SHANK2: variants seen among roughly 807,000 people sequenced by gnomAD.
The protein encoded by SHANK2 is SH3 and multiple ankyrin repeat domains 2.
A neutral mutation model predicts 133.7 loss-of-function variants in SHANK2; 43 were observed. The ratio of observed to expected loss-of-function variants is 0.32; its 90% CI spans 0.25 to 0.41. The LOEUF (loss-of-function observed/expected upper bound fraction) is 0.41. Among genes scored for constraint, SHANK2 ranks in the 10% least tolerant of loss-of-function variants. SHANK2 has a pLI of 1.00. For synonymous variants in SHANK2, 1,017 were observed against 952.8 expected, an observed-to-expected ratio of 1.07 and a Z score of -1.24; for missense variants, 1,994 against 2,235.8, an observed-to-expected ratio of 0.89 and a Z score of 2.18.
At chr11:71,136,253 C>G (rs571537634) in intron 3 of SHANK2, among the ~76,000 whole-genome samples, 72 of 152,258 alleles carry the variant, frequency 4.7e-4, no homozygotes, top group African/African-American at 1.7e-3. Flanking sequence ...GCCTCAGGGT[C>G]CACCAAGACT....
chr11:70,480,270 G>C (rs2058717120), intron 25 of SHANK2, among the ~76,000 whole-genome samples: 1 of 152,184 alleles, frequency 6.6e-6, no homozygotes, highest in Non-Finnish European at 1.5e-5. Flanking sequence ...CTGCAAGGTT[G>C]GCTCCTTTTT....
Position 70,547,823 on chromosome 11 carries a change from C to T in SHANK2, c.2062-44892G>A, listed in dbSNP as rs139119637. On this transcript the variant is annotated intron_variant, in intron 17 of 25. Coordinates refer to ENST00000601538, the MANE Select transcript of SHANK2 (RefSeq NM_012309.5). Reference sequence around the variant, plus strand: ...TAAAGGAATCCTTGGTCCCCATAACCATTTAGACACAATCGAGACAGAGAA... The same window carrying T: ...TAAAGGAATCCTTGGTCCCCATAACTATTTAGACACAATCGAGACAGAGAA... Among the ~76,000 whole-genome samples, 397 of 152,356 alleles carry T rather than the reference C, an allele frequency of 2.6e-3. 1 individual carries two copies. Among genetic ancestry groups the T allele is most frequent in the Non-Finnish European group, 4.1e-3 (276 of 68,040 alleles).
chr11:70,824,941 ACAGCCAGCAGAAAG>A (rs1340207324), intron 11 of SHANK2, among the ~76,000 whole-genome samples: 1 of 152,130 alleles, frequency 6.6e-6, no homozygotes, highest in African/African-American at 2.4e-5. Context: ...TCAAACAGAC[ACAGCCAGCAGAAAG>A]CAGCCGCAGA....
At chr11:70,937,974 C>T (rs991204052) in intron 10 of SHANK2, among the ~76,000 whole-genome samples, 15 of 152,042 alleles carry the variant, frequency 9.9e-5, no homozygotes, top group Non-Finnish European at 1.6e-4. Context: ...CATGTGTGAG[C>T]GTGATCTATC....
At position 70,538,954 on chromosome 11, in the gene SHANK2, C is replaced by CCCG. The variant is rs1554974656; in HGVS notation, c.2062-36024_2062-36023insCGG. Among the ~76,000 whole-genome samples, 27 of 152,352 alleles carry CCCG rather than the reference C, an allele frequency of 1.8e-4. No individual in the cohort carries two copies. In the East Asian group the frequency reaches 5.0e-3, roughly 28 times the overall value. On this transcript the variant is annotated intron_variant, in intron 17 of 25. Transcript: ENST00000601538. The stretch of plus-strand genomic sequence containing the variant: ...TAGAAGAGGACGTGGGCTAGGAAGC[C>CCCG]TCCTGGGTTACCCCGTCGGCCGCCA...
chr11:70,550,251 C>A (rs1454245324), intron 17 of SHANK2, among the ~76,000 whole-genome samples: 4 of 152,168 alleles, frequency 2.6e-5, no homozygotes, highest in Non-Finnish European at 5.9e-5. Context: ...ACATCCCTGC[C>A]ATGAACGACC....
intron 2 of SHANK2, among the ~76,000 whole-genome samples, chr11:71,192,331 C>G (rs1555115560): frequency 6.6e-6 from 1 of 152,212 alleles, no homozygotes; most frequent in Non-Finnish European, 1.5e-5. Context: ...CATGACAACT[C>G]TCCACTCTGT....
At chr11:70,784,966 C>T (rs1947617757) in intron 14 of SHANK2, among the ~76,000 whole-genome samples, 1 of 152,246 alleles carries the variant, frequency 6.6e-6, no homozygotes. Context: ...CACGAGGTGC[C>T]ACTTTCAGCT....
At chr11:70,881,562 T>C (rs474417) in intron 11 of SHANK2, among the ~76,000 whole-genome samples, 1 of 24,028 alleles carries the variant, frequency 4.2e-5, no homozygotes, top group African/African-American at 5.6e-5. Flanking sequence ...AATAATAATA[T>C]TAATAATAAT....
chr11:70,738,395 G>A (rs1478506860), intron 14 of SHANK2, among the ~76,000 whole-genome samples: 1 of 152,238 alleles, frequency 6.6e-6, no homozygotes, highest in Non-Finnish European at 1.5e-5. Context: ...CCTGAGGGGC[G>A]CTGTGCTTGT....
intron 25 of SHANK2, among the ~76,000 whole-genome samples, chr11:70,476,473 G>A (rs1485747081): frequency 6.6e-6 from 1 of 152,206 alleles, no homozygotes; most frequent in Non-Finnish European, 1.5e-5. Context: ...GCTGTGGCCT[G>A]TTCTTCTGTG....
chr11:71,180,504 C>T (rs969154985), intron 2 of SHANK2, among the ~76,000 whole-genome samples: 3 of 151,934 alleles, frequency 2.0e-5, no homozygotes, highest in Admixed American at 6.6e-5. Flanking sequence ...CATCTAACAG[C>T]GCTTTGTACA....
At chr11:70,692,194 T>C (rs1402951039) in intron 15 of SHANK2, among the ~76,000 whole-genome samples, 1 of 152,204 alleles carries the variant, frequency 6.6e-6, no homozygotes, top group African/African-American at 2.4e-5. Context: ...TCAATGTTTC[T>C]TGCCATTCAG....
At chr11:70,600,276 G>A (rs1469328903) in intron 17 of SHANK2, among the ~76,000 whole-genome samples, 6 of 151,708 alleles carry the variant, frequency 4.0e-5, no homozygotes, top group African/African-American at 7.3e-5. Flanking sequence ...AAAATTAGCC[G>A]GGCGCGGTGG....
rs1057432594 is a variant in SHANK2 at position 70,473,736 on chromosome 11, C to G, written c.4980-297G>C. On this transcript the variant is annotated intron_variant, in intron 25 of 25. Coordinates refer to ENST00000601538, the MANE Select transcript of SHANK2 (RefSeq NM_012309.5). This position sits in a 1 kb window ranked among gnomAD's most constrained non-coding sequence, Gnocchi z 5.9. The stretch of plus-strand genomic sequence containing the variant: ...GAGCACACCACGTCAGCCCACTCAC[C>G]TGAACTGGGACAGAGGGGCTGGGGG... 14 of 471,406 alleles carry G rather than the reference C, an allele frequency of 3.0e-5. No homozygotes were observed. The highest frequency in any genetic ancestry group is 5.2e-5 in the Non-Finnish European group (13 of 252,134). 29.2% of individuals were successfully genotyped at this position (471,406 alleles called of 1,614,324 possible). A position where few individuals can be genotyped will look rare whatever the true frequency, so the allele number is the denominator to read the frequency against.
intron 14 of SHANK2, among the ~76,000 whole-genome samples, chr11:70,744,784 C>T (rs1041782933): frequency 6.6e-6 from 1 of 152,228 alleles, no homozygotes; most frequent in African/African-American, 2.4e-5. Context: ...GGCCACACCC[C>T]ACCTCAGGCA....
rs978393275 is a variant in SHANK2, at chr11:70,536,128, A to G, written c.2062-33197T>C. The stretch of plus-strand genomic sequence containing the variant: ...CCTGGGGGCCCTCACCCTGGGCTGA[A>G]GCCCACCCAGGTCTGCTGGAGGCAC... On this transcript the variant is annotated intron_variant, in intron 17 of 25. Coordinates refer to ENST00000601538, the MANE Select transcript of SHANK2 (RefSeq NM_012309.5). Among the ~76,000 whole-genome samples, 7 of 152,102 alleles carry G rather than the reference A, an allele frequency of 4.6e-5. 1 individual carries two copies. The South Asian group carries it at 1.5e-3, about 32-fold the overall frequency.
At chr11:70,949,982 C>A in intron 10 of SHANK2, 1 of 448,190 alleles carries the variant, frequency 2.2e-6, no homozygotes, top group Admixed American at 2.4e-5. Flanking sequence ...GGTGCGGTGC[C>A]TGGGGAGGGC....
chr11:70,815,728 G>C (rs1249376468), intron 12 of SHANK2, among the ~76,000 whole-genome samples: 1 of 152,170 alleles, frequency 6.6e-6, no homozygotes, highest in Non-Finnish European at 1.5e-5. Flanking sequence ...TCCCGGTGGG[G>C]GCCCTGGGGA....
Sources: allele counts gnomAD v4.1 joint callset (sites outside exome capture counted in the v4.1 genomes callset), GRCh38; gene constraint gnomAD v4.1.1; non-coding constraint Gnocchi (gnomAD v3.1); transcripts MANE v1.5; gene names NCBI Gene and HGNC (gene_info 2026-07-23, HGNC 2026-07-21).